CFAP77: variants seen among roughly 807,000 people sequenced by gnomAD.
The protein encoded by CFAP77 is cilia and flagella associated protein 77.
Under a neutral mutation model 31.1 loss-of-function variants are expected in CFAP77, and 25 were observed. The observed-to-expected ratio is 0.80, with a 90% CI of 0.59 to 1.12. The LOEUF (loss-of-function observed/expected upper bound fraction) is 1.12, where lower values mean the gene tolerates loss of function less well. CFAP77 is among the 50% of genes most tolerant of loss of function. The pLI is 0.00. For missense variants in CFAP77, 377 were observed against 397.3 expected, an observed-to-expected ratio of 0.95 and a Z score of 0.44; for synonymous variants, 151 against 159.9, an observed-to-expected ratio of 0.94 and a Z score of 0.42.
intron 3 of CFAP77, among the ~76,000 whole-genome samples, chr9:132,523,956 A>G (rs1852313430): frequency 6.6e-6 from 1 of 152,150 alleles, no homozygotes; most frequent in African/African-American, 2.4e-5. Flanking sequence ...CTGTTAATGC[A>G]TTAGCCTATT....
intron 5 of CFAP77, among the ~76,000 whole-genome samples, chr9:132,556,076 G>A (rs948664717): frequency 3.9e-5 from 6 of 152,082 alleles, no homozygotes; most frequent in South Asian, 4.2e-4. Context: ...TGATACAAGC[G>A]CCCTCTTCAT....
intron 1 of CFAP77, among the ~76,000 whole-genome samples, chr9:132,474,242 C>A (rs1396386305): frequency 1.3e-5 from 2 of 152,152 alleles, no homozygotes; most frequent in Non-Finnish European, 2.9e-5. Flanking sequence ...CTGGTGGGTG[C>A]CTTGCTCTGG....
At position 132,561,658 on chromosome 9, in the gene CFAP77, CACA is replaced by C. The variant is rs1564253348; in HGVS notation, c.733-10729_733-10727del. 7.9e-3 allele frequency among the ~76,000 whole-genome samples: 539 copies of C among 68,046 alleles called. 5 individuals carry two copies. The highest frequency in any genetic ancestry group is 9.5e-3 in the Non-Finnish European group (336 of 35,316). 44.6% of individuals were successfully genotyped at this position (68,046 alleles called of 152,430 possible). ...ACACACACACACACACACACACACA[CACA>C]CCCCCTCCATGTGTCTCTGGGATGG... On this transcript the variant is annotated intron_variant, in intron 5 of 5. Transcript: ENST00000393216.
chr9:132,530,838 C>T (rs1335599558), intron 3 of CFAP77, among the ~76,000 whole-genome samples: 1 of 152,134 alleles, frequency 6.6e-6, no homozygotes, highest in Non-Finnish European at 1.5e-5. Flanking sequence ...CTAAGAAACT[C>T]TTTACGTAGC....
rs1414687702 is a variant in CFAP77 at position 132,539,684 on chromosome 9, G to A, written c.630+1978G>A. 1.3e-5 allele frequency among the ~76,000 whole-genome samples: 2 copies of A among 152,164 alleles called. No individual in the cohort carries two copies. Among genetic ancestry groups the A allele is most frequent in the African/African-American group, 4.8e-5 (2 of 41,446 alleles). On this transcript the variant is annotated intron_variant, in intron 4 of 5. Coordinates refer to ENST00000393216, the MANE Select transcript of CFAP77 (RefSeq NM_001282957.2). The surrounding 1 kb of genome is among the most constrained non-coding windows in gnomAD (Gnocchi z 4.3). ...AGTGGGAGGCTGAGGATTTCCAGGC[G>A]TGGCGGGTGCCAGGGCCTCTCCTGG...
At chr9:132,453,717 G>C (rs1236754608) in intron 1 of CFAP77, among the ~76,000 whole-genome samples, 1 of 152,180 alleles carries the variant, frequency 6.6e-6, no homozygotes, top group East Asian at 1.9e-4. Context: ...CCTGTATCTT[G>C]CTGCCCACTC....
intron 3 of CFAP77, among the ~76,000 whole-genome samples, chr9:132,522,777 G>T (rs1171283227): frequency 1.3e-5 from 2 of 152,192 alleles, no homozygotes; most frequent in African/African-American, 4.8e-5. Flanking sequence ...GTGCTTTGTG[G>T]TGGAAAACAA....
At position 132,513,292 on chromosome 9, in the gene CFAP77, C is replaced by T. The variant is rs754927974; in HGVS notation, c.524+13692C>T. 4 of 1,549,288 alleles carry T rather than the reference C, an allele frequency of 2.6e-6. No homozygotes were observed. In the Admixed American group the frequency reaches 5.9e-5, roughly 23 times the overall value. On this transcript the variant is annotated intron_variant, in intron 3 of 5. Transcript: ENST00000393216. ...CCAAACAAATAGAAAAGTTCAGAAG[C>T]AACATAACTAACTCCCGTGAACCCA...
intron 5 of CFAP77, among the ~76,000 whole-genome samples, chr9:132,548,390 A>G (rs549785962): frequency 6.6e-6 from 1 of 152,116 alleles, no homozygotes; most frequent in South Asian, 2.1e-4. Context: ...TATTTTTTTA[A>G]ATGTTTTTAA....
intron 3 of CFAP77, among the ~76,000 whole-genome samples, chr9:132,518,318 C>T (rs1852185465): frequency 6.6e-6 from 1 of 152,188 alleles, no homozygotes; most frequent in African/African-American, 2.4e-5. Flanking sequence ...CTTGACCAAG[C>T]TACCTCCACC....
intron 5 of CFAP77, among the ~76,000 whole-genome samples, chr9:132,546,409 G>A (rs368015695): frequency 1.0e-3 from 156 of 152,082 alleles, no homozygotes; most frequent in African/African-American, 3.6e-3. Context: ...AGGGAAAAGC[G>A]CTTCCAGAAA....
At chr9:132,416,951 G>GTT (rs914587079) in intron 1 of CFAP77, among the ~76,000 whole-genome samples, 1 of 151,344 alleles carries the variant, frequency 6.6e-6, no homozygotes, top group East Asian at 2.0e-4. Context: ...TTTTGTATTA[G>GTT]TTTTTTTTAA....
rs750312944 is a variant in CFAP77, at chr9:132,501,402, CTTT to C, written c.524+1815_524+1817del. On this transcript the variant is annotated intron_variant, in intron 3 of 5. Transcript: ENST00000393216. The surrounding 1 kb of genome is among the most constrained non-coding windows in gnomAD (Gnocchi z 4.6). Reference sequence around the variant, plus strand: ...CCAGCTCAGGTTACATGACTATCTTCTTTTTTTTTTTTTTTGGACAGTGTCTCT... The same window carrying C: ...CCAGCTCAGGTTACATGACTATCTTCTTTTTTTTTTTTGGACAGTGTCTCT... Among the ~76,000 whole-genome samples the C allele has an allele frequency of 2.8e-5, 4 of 141,974 alleles. No individual in the cohort carries two copies. The highest frequency in any genetic ancestry group is 7.0e-5 in the Admixed American group (1 of 14,222). The allele number at this position is 141,974 out of a possible 152,430, so 93.1% of individuals were successfully genotyped here.
intron 1 of CFAP77, among the ~76,000 whole-genome samples, chr9:132,472,901 C>T (rs1193734802): frequency 2.0e-5 from 3 of 152,170 alleles, no homozygotes; most frequent in East Asian, 1.9e-4. Context: ...TGTCTTAGTC[C>T]GTTTTGTGTT....
chr9:132,421,559 C>G (rs529604727), intron 1 of CFAP77: 2 of 152,310 alleles, frequency 1.3e-5, no homozygotes, highest in East Asian at 3.9e-4. Context: ...AAAGGGATGG[C>G]GTGTTCAGCG....
Position 132,432,490 on chromosome 9 carries a change from A to G in CFAP77, c.195+22024A>G, listed in dbSNP as rs992949790. ...CCTCCTTCTGCTGCTTGCTAGCTGC[A>G]TAACCTCAGATAGCAAGAGGGTCCC... On this transcript the variant is annotated intron_variant, in intron 1 of 5. Coordinates refer to ENST00000393216, the MANE Select transcript of CFAP77 (RefSeq NM_001282957.2). Among the ~76,000 whole-genome samples the G allele has an allele frequency of 6.0e-5, 9 of 151,078 alleles. No individual in the cohort carries two copies. In the East Asian group the frequency reaches 1.6e-3, roughly 26 times the overall value.
chr9:132,416,840 G>A lies in CFAP77; in HGVS notation c.195+6374G>A, dbSNP rs184217126. ...TTTAGTAGAGACAGGGTTTCACCAC[G>A]TTGGCCAGGCTGGTCCGAACTCCTG... On this transcript the variant is annotated intron_variant, in intron 1 of 5. Transcript: ENST00000393216. Among the ~76,000 whole-genome samples, 775 of 151,706 alleles carry A rather than the reference G, an allele frequency of 5.1e-3. 5 individuals carry two copies. Among genetic ancestry groups the A allele is most frequent in the African/African-American group, 0.018 (754 of 41,332 alleles).
At chr9:132,496,430 A>G (rs1298694203) in intron 1 of CFAP77, among the ~76,000 whole-genome samples, 2 of 152,178 alleles carry the variant, frequency 1.3e-5, no homozygotes, top group African/African-American at 2.4e-5. Context: ...CCATCACCAC[A>G]ATCAATTTTA....
chr9:132,473,732 G>A (rs1337364046), intron 1 of CFAP77, among the ~76,000 whole-genome samples: 1 of 152,150 alleles, frequency 6.6e-6, no homozygotes, highest in Non-Finnish European at 1.5e-5. Context: ...CACCCAGGCT[G>A]GAGCGCAATG....
Sources: allele counts gnomAD v4.1 joint callset (sites outside exome capture counted in the v4.1 genomes callset), GRCh38; gene constraint gnomAD v4.1.1; non-coding constraint Gnocchi (gnomAD v3.1); transcripts MANE v1.5; gene names NCBI Gene and HGNC (gene_info 2026-07-23, HGNC 2026-07-21).